The following LCP2 variants were observed in gnomAD, a reference collection of about 807,000 sequenced individuals.
The protein encoded by LCP2 is lymphocyte cytosolic protein 2.
A neutral mutation model predicts 74.5 loss-of-function variants in LCP2; 29 were observed. The observed-to-expected ratio is 0.39, with a 90% CI of 0.29 to 0.53. The LOEUF is 0.53. LCP2 is among the 20% of genes least tolerant of loss of function. LCP2 has a pLI of 0.72. For missense variants in LCP2, 604 were observed against 634.6 expected (o/e 0.95, Z 0.52); for synonymous variants, 228 against 229.5 (o/e 0.99, Z 0.06).
At chr5:170,289,904 A>G (rs1762260321) in intron 2 of LCP2, among the ~76,000 whole-genome samples, 1 of 151,848 alleles carries the variant, frequency 6.6e-6, no homozygotes, top group Non-Finnish European at 1.5e-5. Flanking sequence ...AGCACTGAGC[A>G]GCTGGCCACC....
rs1415247350 is a variant in LCP2 at position 170,248,061 on chromosome 5, G to GTTGTT, written c.*631_*635dup. 6.6e-6 allele frequency: 1 copy of GTTGTT among 152,196 alleles called. No individual in the cohort carries two copies. Among genetic ancestry groups the GTTGTT allele is most frequent in the African/African-American group, 2.4e-5 (1 of 41,430 alleles). The allele number at this position is 152,196 out of a possible 1,614,324, so 9.4% of individuals were successfully genotyped here. On this transcript the variant is annotated 3_prime_UTR_variant, in exon 21 of 21. Transcript: ENST00000046794. The stretch of plus-strand genomic sequence containing the variant: ...ACAGTATGGACTAAAAGTCAATAAA[G>GTTGTT]TTGTTTTAGGAAACCAAAAAAGTAA...
chr5:170,260,266 G>T (rs1761628550), intron 14 of LCP2, among the ~76,000 whole-genome samples: 1 of 152,212 alleles, frequency 6.6e-6, no homozygotes, highest in African/African-American at 2.4e-5. Context: ...GGTTGTGAGT[G>T]TGCCTGCCTC....
At chr5:170,272,592 A>ATTTTATTTTT (rs1761913090) in intron 6 of LCP2, among the ~76,000 whole-genome samples, 1 of 34,312 alleles carries the variant, frequency 2.9e-5, no homozygotes, top group Non-Finnish European at 6.8e-5. Flanking sequence ...CCCATCAAAT[A>ATTTTATTTTT]TTTTCTTTTT....
chr5:170,281,479 A>ACC (rs2113200359), intron 3 of LCP2, among the ~76,000 whole-genome samples: 1 of 152,238 alleles, frequency 6.6e-6, no homozygotes, highest in South Asian at 2.1e-4. Context: ...ACAGCGTTTC[A>ACC]CTGTGTTAGC....
chr5:170,296,225 C>T (rs6866733), intron 1 of LCP2, among the ~76,000 whole-genome samples: 32,014 of 152,048 alleles, frequency 0.21, 3,546 homozygotes, highest in South Asian at 0.32. Flanking sequence ...AAACCAGTTG[C>T]GCAACAATAT....
chr5:170,278,573 A>C (rs983917612), intron 3 of LCP2, among the ~76,000 whole-genome samples: 1 of 151,612 alleles, frequency 6.6e-6, no homozygotes, highest in African/African-American at 2.4e-5. Flanking sequence ...GGCCTCACTG[A>C]AGAGGTGACA....
At chr5:170,252,560 G>A in intron 18 of LCP2, 49 bp from the exon 19 acceptor site, 4 of 950,846 alleles carry the variant, frequency 4.2e-6, no homozygotes, top group South Asian at 1.4e-5. Context: ...AGTTACAGAT[G>A]TAAGTGAAAA....
intron 6 of LCP2, 55 bp from the exon 7 acceptor site, chr5:170,270,972 T>C: frequency 6.9e-7 from 1 of 1,442,164 alleles, no homozygotes; most frequent in East Asian, 2.5e-5. Flanking sequence ...TGGCCCTCGA[T>C]GTGCCTGTGC....
intron 6 of LCP2, 65 bp from the exon 7 acceptor site, chr5:170,270,982 C>T (rs1279292232): frequency 2.9e-6 from 4 of 1,368,104 alleles, no homozygotes; most frequent in Admixed American, 4.9e-5. Flanking sequence ...TGTGCCTGTG[C>T]CTACTCTCTC....
intron 14 of LCP2, among the ~76,000 whole-genome samples, chr5:170,259,088 T>G (rs554027481): frequency 6.6e-6 from 1 of 152,154 alleles, no homozygotes; most frequent in Non-Finnish European, 1.5e-5. Context: ...CTAAGGGCAT[T>G]CCAGTATGAG....
At chr5:170,270,692 C>T in intron 7 of LCP2, 27 bp downstream of exon 7, 1 of 1,536,872 alleles carries the variant, frequency 6.5e-7, no homozygotes, top group Non-Finnish European at 8.7e-7. Flanking sequence ...GCTGCTCGGG[C>T]CAGAAAATCC....
chr5:170,282,448 A>T (rs1032934814), intron 3 of LCP2, among the ~76,000 whole-genome samples: 2 of 152,204 alleles, frequency 1.3e-5, no homozygotes, highest in Non-Finnish European at 2.9e-5. Context: ...CCTTCTACAG[A>T]CAAGGAAGCT....
In LCP2 at chr5:170,262,857, G is replaced by C. The variant is rs201786815; in HGVS notation, c.803C>G (p.Ser268Trp). 5.0e-6 allele frequency: 8 copies of C among 1,613,914 alleles called. No individual in the cohort carries two copies. Among genetic ancestry groups the C allele is most frequent in the Non-Finnish European group, 5.9e-6 (7 of 1,179,902 alleles). The change falls in exon 12 of 21, where the codon TCG becomes TGG. Residue 268 changes from serine to tryptophan, a missense_variant. Ser to Trp is a radical substitution (Grantham distance 177). Coordinates refer to ENST00000046794, the MANE Select transcript of LCP2 (RefSeq NM_005565.5). ...GKKPPFSDKP[S>W]IPAGRSLGEH... ...ACAGTCTTACCTTCCCGCTGGAATC[G>C]AGGGCTGCAAGACAGGAGGAAAAAT...
At chr5:170,282,665 A>C (rs1204244361) in intron 3 of LCP2, among the ~76,000 whole-genome samples, 1 of 152,260 alleles carries the variant, frequency 6.6e-6, no homozygotes, top group Admixed American at 6.5e-5. Context: ...ACACTTATTC[A>C]GTGCATATTG....
intron 17 of LCP2, among the ~76,000 whole-genome samples, chr5:170,255,485 T>C (rs1249410180): frequency 6.6e-6 from 1 of 152,252 alleles, no homozygotes; most frequent in Admixed American, 6.5e-5. Context: ...TTTTTAAAAA[T>C]TTAAGTCAAC....
chr5:170,289,141 C>CATA (rs1762234233), intron 2 of LCP2, among the ~76,000 whole-genome samples: 1 of 151,986 alleles, frequency 6.6e-6, no homozygotes, highest in African/African-American at 2.4e-5. Flanking sequence ...AAATGGGGAC[C>CATA]ATAATAATAA....
chr5:170,285,109 G>A (rs1163707747), intron 3 of LCP2, among the ~76,000 whole-genome samples: 1 of 152,074 alleles, frequency 6.6e-6, no homozygotes, highest in African/African-American at 2.4e-5. Context: ...TTTCAATTTG[G>A]ACAATTTCTA....
rs61463939 is a variant in LCP2, at chr5:170,272,597, C to CTTTTTTTTTTTTTTTTTTTTT, written c.324+1683_325-1681dup. On this transcript the variant is annotated intron_variant, in intron 6 of 20. Transcript: ENST00000046794. The stretch of plus-strand genomic sequence containing the variant: ...ATAACTGTAACCCATCAAATATTTT[C>CTTTTTTTTTTTTTTTTTTTTT]TTTTTTTTTTTTTTTTTTTTTTTTT... Among the ~76,000 whole-genome samples the CTTTTTTTTTTTTTTTTTTTTT allele has an allele frequency of 3.2e-4, 13 of 40,356 alleles. 2 individuals are homozygous for CTTTTTTTTTTTTTTTTTTTTT. The highest frequency in any genetic ancestry group is 4.9e-4 in the Admixed American group (1 of 2,046). The allele number at this position is 40,356 out of a possible 152,430, so 26.5% of individuals were successfully genotyped here.
chr5:170,266,970 G>T, intron 9 of LCP2, 39 bp downstream of exon 9: 2 of 1,612,148 alleles, frequency 1.2e-6, no homozygotes, highest in Non-Finnish European at 1.7e-6. Context: ...GGGAGTGCCT[G>T]GTGGGAACAG....
Sources: allele counts gnomAD v4.1 joint callset (sites outside exome capture counted in the v4.1 genomes callset), GRCh38; gene constraint gnomAD v4.1.1; transcripts MANE v1.5; gene names NCBI Gene and HGNC (gene_info 2026-07-23, HGNC 2026-07-21).